The following FSTL4 variants were observed in gnomAD, a reference collection of about 807,000 sequenced individuals.
FSTL4 encodes follistatin-related protein 4.
In FSTL4, 28 loss-of-function variants were observed where a neutral mutation model predicts 78.2. The observed-to-expected ratio is 0.36, with a 90% CI of 0.27 to 0.49. The LOEUF (loss-of-function observed/expected upper bound fraction) is 0.49. Ranked by LOEUF, FSTL4 falls within the 20% of genes least tolerant of loss-of-function variation. FSTL4 has a pLI of 0.98. For missense variants in FSTL4, 922 were observed against 1,084.9 expected (o/e 0.85, Z 2.11); for synonymous variants, 422 against 440.5 (o/e 0.96, Z 0.53).
At chr5:133,573,201 G>A (rs934155088) in intron 2 of FSTL4, among the ~76,000 whole-genome samples, 12 of 151,466 alleles carry the variant, frequency 7.9e-5, no homozygotes, top group South Asian at 4.2e-4. Context: ...CCCAGATTGC[G>A]CCACTGCACT....
chr5:133,221,907 T>TTTTTTTTG, intron 11 of FSTL4, among the ~76,000 whole-genome samples: 1 of 114,154 alleles, frequency 8.8e-6, no homozygotes, highest in Admixed American at 8.2e-5. Context: ...TTTTTTTTTT[T>TTTTTTTTG]TTTTTTTTTT....
chr5:133,316,729 C>A, intron 4 of FSTL4, 77 bp from the exon 5 acceptor site: 5 of 1,234,230 alleles, frequency 4.1e-6, no homozygotes, highest in Non-Finnish European at 5.7e-6. Flanking sequence ...CTGGTCCATT[C>A]ATCTCACTCA....
chr5:133,235,977 C>T (rs913823279), intron 7 of FSTL4, among the ~76,000 whole-genome samples: 1 of 152,094 alleles, frequency 6.6e-6, no homozygotes, highest in Non-Finnish European at 1.5e-5. Flanking sequence ...TGAAATGGTA[C>T]AGCCATTTCA....
At chr5:133,452,688 T>C (rs1757408883) in intron 3 of FSTL4, among the ~76,000 whole-genome samples, 1 of 152,196 alleles carries the variant, frequency 6.6e-6, no homozygotes, top group Non-Finnish European at 1.5e-5. Flanking sequence ...ATCGCTCAGG[T>C]TGTAAGTAGT....
At chr5:133,543,579 T>A (rs1168588505) in intron 3 of FSTL4, among the ~76,000 whole-genome samples, 1 of 152,210 alleles carries the variant, frequency 6.6e-6, no homozygotes, top group East Asian at 1.9e-4. Context: ...CTCTATTATA[T>A]TGTGTTTCAC....
chr5:133,757,012 G>A, the FSTL4 span, among the ~76,000 whole-genome samples: 4 of 152,020 alleles, frequency 2.6e-5, no homozygotes, highest in Admixed American at 2.0e-4. Context: ...CTCTTTCAGT[G>A]AGAGCCATAT....
rs1754782440 is a variant in FSTL4, at chr5:133,349,757, A to T, written c.410-33105T>A. Among the ~76,000 whole-genome samples, 3 of 140,340 alleles carry T rather than the reference A, an allele frequency of 2.1e-5. No individual in the cohort carries two copies. In the Admixed American group the frequency reaches 2.2e-4, roughly 10 times the overall value. 92.1% of individuals were successfully genotyped at this position (140,340 alleles called of 152,430 possible). ...CATGCGACTGTAAAGGACCCAAAGG[A>T]TGGACTTTGTCATGCTGCCATGTGA... On this transcript the variant is annotated intron_variant, in intron 4 of 15. Transcript: ENST00000265342.
At position 133,316,659 on chromosome 5, in the gene FSTL4, G is replaced by C. The variant is rs1753912099; in HGVS notation, c.410-7C>G. On this transcript the variant is annotated splice_region_variant and splice_polypyrimidine_tract_variant and intron_variant, in intron 4 of 15. Coordinates refer to ENST00000265342, the MANE Select transcript of FSTL4 (RefSeq NM_015082.2). ...GCCATGGTGCACGTGTCACCTGAAA[G>C]AGAAGGTGAGGTTATTATTTTGAGA... 6.2e-7 allele frequency: 1 copy of C among 1,600,072 alleles called. No homozygotes were observed. Among genetic ancestry groups the C allele is most frequent in the Non-Finnish European group, 8.6e-7 (1 of 1,169,374 alleles).
intron 4 of FSTL4, among the ~76,000 whole-genome samples, chr5:133,327,477 TC>T (rs1302696678): frequency 6.6e-6 from 1 of 152,240 alleles, no homozygotes; most frequent in East Asian, 1.9e-4. Flanking sequence ...GCTGACTGGC[TC>T]TCAGGAGGGG....
At chr5:133,240,006 C>G (rs550119029) in intron 7 of FSTL4, among the ~76,000 whole-genome samples, 48 of 152,344 alleles carry the variant, frequency 3.2e-4, no homozygotes, top group East Asian at 7.7e-4. Context: ...GCTGGGATTC[C>G]TTTCCACGCA....
intron 6 of FSTL4, among the ~76,000 whole-genome samples, chr5:133,286,597 A>G (rs1401888162): frequency 2.0e-5 from 3 of 152,140 alleles, no homozygotes; most frequent in African/African-American, 7.2e-5. Context: ...GAGCCCATGG[A>G]TGTTGCCCCA....
the FSTL4 span, among the ~76,000 whole-genome samples, chr5:133,658,483 T>C: frequency 6.6e-6 from 1 of 152,132 alleles, no homozygotes; most frequent in Admixed American, 6.5e-5. Flanking sequence ...TCCAGAACTT[T>C]ATCTAGTTCC....
chr5:133,265,000 A>C (rs1752611540), intron 6 of FSTL4, among the ~76,000 whole-genome samples: 1 of 152,194 alleles, frequency 6.6e-6, no homozygotes, highest in Non-Finnish European at 1.5e-5. Context: ...AATTACAGCC[A>C]GGCACCCTCC....
At chr5:133,698,416 C>G in the FSTL4 span, among the ~76,000 whole-genome samples, 1 of 152,198 alleles carries the variant, frequency 6.6e-6, no homozygotes, top group Non-Finnish European at 1.5e-5. Context: ...GTCCAAATCC[C>G]AACTCTGCCA....
At position 133,426,561 on chromosome 5, in the gene FSTL4, C is replaced by A. The variant is rs1161255554; in HGVS notation, c.161-25575G>T. Among the ~76,000 whole-genome samples, 1 of 152,172 alleles carries A rather than the reference C, an allele frequency of 6.6e-6. No homozygotes were observed. The highest frequency in any genetic ancestry group is 1.5e-5 in the Non-Finnish European group (1 of 68,036). On this transcript the variant is annotated intron_variant, in intron 3 of 15. Transcript: ENST00000265342. The surrounding 1 kb of genome is among the most constrained non-coding windows in gnomAD (Gnocchi z 5.0). The stretch of plus-strand genomic sequence containing the variant: ...CCAATTAGCAGCAGAGGAAACTGAA[C>A]TGTACCGTGGGTTGGGGAATGATCA...
chr5:133,654,831 A>C, the FSTL4 span, among the ~76,000 whole-genome samples: 1 of 152,158 alleles, frequency 6.6e-6, no homozygotes, highest in Non-Finnish European at 1.5e-5. Context: ...AGGTAACAAA[A>C]GCCTCAGGGC....
chr5:133,348,224 C>G (rs1454012752), intron 4 of FSTL4, among the ~76,000 whole-genome samples: 1 of 152,194 alleles, frequency 6.6e-6, no homozygotes, highest in Non-Finnish European at 1.5e-5. Context: ...TTGCAGAAAA[C>G]AGGCTTTTGA....
At position 133,611,225 on chromosome 5, in the gene FSTL4, C is replaced by T. The variant is rs1174766585; in HGVS notation, c.-11+1100G>A. ...CGCGACACCGACCTCGCCGGGCCCG[C>T]CCCGCTGACCCGCGCACTCCTAGTG... On this transcript the variant is annotated intron_variant, in intron 1 of 15. Coordinates refer to ENST00000265342, the MANE Select transcript of FSTL4 (RefSeq NM_015082.2). This position sits in a 1 kb window ranked among gnomAD's most constrained non-coding sequence, Gnocchi z 4.9. 1.3e-5 allele frequency among the ~76,000 whole-genome samples: 2 copies of T among 152,100 alleles called. No individual in the cohort carries two copies. The highest frequency in any genetic ancestry group is 4.8e-5 in the African/African-American group (2 of 41,448).
the FSTL4 span, among the ~76,000 whole-genome samples, chr5:133,780,728 C>A: frequency 6.7e-6 from 1 of 149,782 alleles, no homozygotes; most frequent in Non-Finnish European, 1.5e-5. Flanking sequence ...CCCAGAATAA[C>A]CCGATGAGGT....
Sources: allele counts gnomAD v4.1 joint callset (sites outside exome capture counted in the v4.1 genomes callset), GRCh38; gene constraint gnomAD v4.1.1; non-coding constraint Gnocchi (gnomAD v3.1); transcripts MANE v1.5; gene names NCBI Gene and HGNC (gene_info 2026-07-23, HGNC 2026-07-21).